GRIK3: variants seen among roughly 807,000 people sequenced by gnomAD.
GRIK3 encodes the protein glutamate ionotropic receptor kainate type subunit 3.
In GRIK3, 29 loss-of-function variants were observed where a neutral mutation model predicts 102.5. The ratio of observed to expected loss-of-function variants is 0.28; its 90% confidence interval spans 0.21 to 0.39. The LOEUF (loss-of-function observed/expected upper bound fraction) is 0.39. Ranked by LOEUF, GRIK3 falls within the 10% of genes least tolerant of loss-of-function variation. The pLI is 1.00. For missense variants in GRIK3, 908 were observed against 1,252.4 expected (o/e 0.73, Z 4.15); for synonymous variants, 511 against 504.9 (o/e 1.01, Z -0.16).
intron 1 of GRIK3, among the ~76,000 whole-genome samples, chr1:36,964,668 G>T (rs1642060922): frequency 6.6e-6 from 1 of 152,174 alleles, no homozygotes; most frequent in South Asian, 2.1e-4. Flanking sequence ...CCAAGACCAT[G>T]CCCACAGTGA....
intron 1 of GRIK3, among the ~76,000 whole-genome samples, chr1:37,007,963 C>G (rs1338305231): frequency 2.0e-5 from 3 of 152,212 alleles, no homozygotes; most frequent in African/African-American, 7.2e-5. Context: ...TCTTCAGTGC[C>G]CTGGATCCTG....
Position 36,850,228 on chromosome 1 carries a change from G to C in GRIK3, c.1326+83C>G. On this transcript the variant is annotated intron_variant, in intron 9 of 15. Transcript: ENST00000373091. This position sits in a 1 kb window ranked among gnomAD's most constrained non-coding sequence, Gnocchi z 4.0. ...TGCAGCCTCCATCTTCTGGGTGGGG[G>C]GGATAGAGGGGACTCTCCAGCCCGA... 1.2e-6 allele frequency: 1 copy of C among 813,664 alleles called. No homozygotes were observed. Among genetic ancestry groups the C allele is most frequent in the Non-Finnish European group, 2.2e-6 (1 of 463,276 alleles). The allele number at this position is 813,664 out of a possible 1,614,324, so 50.4% of individuals were successfully genotyped here. A position where few individuals can be genotyped will look rare whatever the true frequency, so the allele number is the denominator to read the frequency against.
At chr1:36,965,351 G>A (rs1008239274) in intron 1 of GRIK3, among the ~76,000 whole-genome samples, 3 of 152,192 alleles carry the variant, frequency 2.0e-5, no homozygotes, top group Admixed American at 2.0e-4. Flanking sequence ...TCATTGAAAT[G>A]GGAAAAGATG....
chr1:36,983,358 A>G (rs922698275), intron 1 of GRIK3, among the ~76,000 whole-genome samples: 4 of 152,028 alleles, frequency 2.6e-5, no homozygotes, highest in Non-Finnish European at 5.9e-5. Flanking sequence ...CTACTCACAT[A>G]CCTGCAGGTA....
At chr1:36,990,392 C>G (rs577290719) in intron 1 of GRIK3, among the ~76,000 whole-genome samples, 2 of 152,288 alleles carry the variant, frequency 1.3e-5, no homozygotes, top group Admixed American at 1.3e-4. Context: ...CTCTTCCCAA[C>G]TTGGAAGGGC....
chr1:36,805,132 T>A lies in GRIK3; in HGVS notation c.2420A>T (p.Glu807Val). ...GGCACTGGCCTCTTTGTTTTCCTCC[T>A]CAGGACACCCGCTGCCCCGCCACCA... ...EKWWRGSGCPEEENKEASALG... is the reference protein window; with the variant it reads ...EKWWRGSGCPVEENKEASALG... The change falls in exon 15 of 16, where the codon GAG becomes GTG. Residue 807 changes from glutamate to valine, a missense_variant. By Grantham distance (121) the Glu-to-Val change is moderately radical. Transcript: ENST00000373091. 6.2e-7 allele frequency: 1 copy of A among 1,614,190 alleles called. No individual in the cohort carries two copies.
At chr1:36,960,485 A>C (rs1217358194) in intron 1 of GRIK3, among the ~76,000 whole-genome samples, 1 of 152,240 alleles carries the variant, frequency 6.6e-6, no homozygotes, top group Non-Finnish European at 1.5e-5. Flanking sequence ...GGGGTACTGG[A>C]AGCCCCTGGA....
In GRIK3 at chr1:37,010,899, G is replaced by A. The variant is rs550489468; in HGVS notation, c.115+23095C>T. The stretch of plus-strand genomic sequence containing the variant: ...TGGGACTACAGGCGCCCACCACCGC[G>A]CCCGGCTAATTTTTTGTATTTTTAG... On this transcript the variant is annotated intron_variant, in intron 1 of 15. Transcript: ENST00000373091. Among the ~76,000 whole-genome samples the A allele has an allele frequency of 9.9e-5, 15 of 152,006 alleles. No homozygotes were observed. The East Asian group carries it at 2.1e-3, about 22-fold the overall frequency.
At chr1:37,004,509 C>T (rs1424586094) in intron 1 of GRIK3, among the ~76,000 whole-genome samples, 1 of 152,140 alleles carries the variant, frequency 6.6e-6, no homozygotes, top group Non-Finnish European at 1.5e-5. Context: ...ACTTTCCTGC[C>T]CCTTGCCCAA....
chr1:36,801,119 T>C lies in GRIK3; in HGVS notation c.*732A>G, dbSNP rs143198793. ...TTTTCTGTGGCCACTCCCCCACTTATATTCTTAGAGACCTCCTAGAGGATT... is the reference window on the plus strand; with the variant it reads ...TTTTCTGTGGCCACTCCCCCACTTACATTCTTAGAGACCTCCTAGAGGATT... On this transcript the variant is annotated 3_prime_UTR_variant, in exon 16 of 16. Coordinates refer to ENST00000373091, the MANE Select transcript of GRIK3 (RefSeq NM_000831.4). 1 of 152,356 alleles carries C rather than the reference T, an allele frequency of 6.6e-6. No homozygotes were observed. The highest frequency in any genetic ancestry group is 1.9e-4 in the East Asian group (1 of 5,186). 9.4% of individuals were successfully genotyped at this position (152,356 alleles called of 1,614,324 possible). A position where few individuals can be genotyped will look rare whatever the true frequency, so the allele number is the denominator to read the frequency against.
chr1:36,864,422 C>T lies in GRIK3; in HGVS notation c.787-4405G>A, dbSNP rs553256069. ...CCTTTCCTTGCATGGCATTCAGTCT[C>T]TTCTCCAATTCAGTGTTGACCTGAT... is the stretch of plus-strand genomic sequence containing the variant. On this transcript the variant is annotated intron_variant, in intron 5 of 15. Transcript: ENST00000373091. Among the ~76,000 whole-genome samples the T allele has an allele frequency of 5.9e-5, 9 of 152,338 alleles. No homozygotes were observed. The East Asian group carries it at 1.5e-3, about 26-fold the overall frequency.
chr1:36,876,169 C>A (rs1640910596), intron 3 of GRIK3, among the ~76,000 whole-genome samples: 1 of 152,118 alleles, frequency 6.6e-6, no homozygotes, highest in Non-Finnish European at 1.5e-5. Context: ...CCAGCCTTGG[C>A]AATACAGCAA....
chr1:37,026,719 C>T (rs529512913), intron 1 of GRIK3, among the ~76,000 whole-genome samples: 2 of 152,138 alleles, frequency 1.3e-5, no homozygotes, highest in Admixed American at 6.5e-5. Context: ...CTCAGAGGTG[C>T]GGTGACTTCC....
At chr1:36,853,769 C>A in intron 7 of GRIK3, 47 bp from the exon 8 acceptor site, 1 of 998,676 alleles carries the variant, frequency 1.0e-6, no homozygotes, top group Non-Finnish European at 1.6e-6. Flanking sequence ...GCTTATAAAT[C>A]ATCATTCGGT....
At chr1:36,983,422 G>T (rs1397774983) in intron 1 of GRIK3, among the ~76,000 whole-genome samples, 1 of 152,158 alleles carries the variant, frequency 6.6e-6, no homozygotes, top group Non-Finnish European at 1.5e-5. Flanking sequence ...CTGGCACCGG[G>T]TGTAGGAGGG....
intron 1 of GRIK3, among the ~76,000 whole-genome samples, chr1:36,962,799 G>A (rs1023258199): frequency 6.7e-6 from 1 of 149,890 alleles, no homozygotes; most frequent in African/African-American, 2.5e-5. Context: ...CAGGAGGATA[G>A]CTTGAACCCG....
chr1:36,867,706 T>C (rs879593804), intron 5 of GRIK3, among the ~76,000 whole-genome samples: 2 of 152,026 alleles, frequency 1.3e-5, no homozygotes, highest in African/African-American at 4.8e-5. Context: ...TTCAGTAGAA[T>C]TGGGGTCAGA....
chr1:36,918,420 C>A (rs1040764890), intron 1 of GRIK3, among the ~76,000 whole-genome samples: 2 of 152,204 alleles, frequency 1.3e-5, no homozygotes, highest in Non-Finnish European at 2.9e-5. Flanking sequence ...CACATCTTTG[C>A]CCATGTCTTT....
intron 5 of GRIK3, among the ~76,000 whole-genome samples, chr1:36,865,353 G>A (rs942785100): frequency 6.6e-6 from 1 of 152,140 alleles, no homozygotes; most frequent in African/African-American, 2.4e-5. Context: ...ATTTTTTTTA[G>A]AGGCGAAGAG....
Sources: allele counts gnomAD v4.1 joint callset (sites outside exome capture counted in the v4.1 genomes callset), GRCh38; gene constraint gnomAD v4.1.1; non-coding constraint Gnocchi (gnomAD v3.1); transcripts MANE v1.5; gene names NCBI Gene and HGNC (gene_info 2026-07-23, HGNC 2026-07-21).